The following PKNOX2 variants were observed in gnomAD, a reference collection of about 807,000 sequenced individuals.
PKNOX2 encodes the protein PBX/knotted 1 homeobox 2, also known as homeobox protein PKNOX2.
In PKNOX2, 14 loss-of-function variants were observed where a neutral mutation model predicts 53.1. That is an observed-to-expected ratio of 0.26 (90% CI 0.17 to 0.41). The LOEUF (loss-of-function observed/expected upper bound fraction) is 0.41, where lower values mean the gene tolerates loss of function less well. Among genes scored for constraint, PKNOX2 ranks in the 10% least tolerant of loss-of-function variants. The pLI is 1.00. For synonymous variants in PKNOX2, 257 were observed against 242.8 expected, an observed-to-expected ratio of 1.06 and a Z score of -0.54; for missense variants, 496 against 602.8, an observed-to-expected ratio of 0.82 and a Z score of 1.85.
At chr11:125,294,893 A>G (rs1169590404) in intron 2 of PKNOX2, among the ~76,000 whole-genome samples, 1 of 152,220 alleles carries the variant, frequency 6.6e-6, no homozygotes, top group Non-Finnish European at 1.5e-5. Flanking sequence ...CTGAGAGTGA[A>G]GGGTGAGGCA....
intron 1 of PKNOX2, among the ~76,000 whole-genome samples, chr11:125,223,954 G>A (rs6590139): frequency 0.18 from 28,142 of 152,252 alleles, 2,811 homozygotes; most frequent in African/African-American, 0.25. Context: ...TTAAGCCACA[G>A]GAAGGCAATT....
intron 10 of PKNOX2, among the ~76,000 whole-genome samples, chr11:125,423,679 G>A (rs1198608033): frequency 2.0e-5 from 3 of 152,168 alleles, no homozygotes; most frequent in Non-Finnish European, 2.9e-5. Context: ...GGGGTGACAG[G>A]TAGCTACACA....
intron 3 of PKNOX2, among the ~76,000 whole-genome samples, chr11:125,336,742 C>A: frequency 6.9e-6 from 1 of 145,658 alleles, no homozygotes; most frequent in African/African-American, 2.5e-5. Flanking sequence ...ATACTGTATA[C>A]TACATGATAT....
chr11:125,254,434 G>A (rs1364520964), intron 2 of PKNOX2, among the ~76,000 whole-genome samples: 1 of 152,192 alleles, frequency 6.6e-6, no homozygotes, highest in African/African-American at 2.4e-5. Flanking sequence ...AGAAAGAAAA[G>A]GGAATGCAGT....
At chr11:125,351,211 G>T in intron 3 of PKNOX2, 73 bp from the exon 4 acceptor site, 1 of 750,860 alleles carries the variant, frequency 1.3e-6, no homozygotes, top group Non-Finnish European at 2.4e-6. Flanking sequence ...GGGGGACACA[G>T]GGAGCTGCTG....
At chr11:125,164,995 G>C (rs1028031998) in intron 1 of PKNOX2, among the ~76,000 whole-genome samples, 19 of 151,862 alleles carry the variant, frequency 1.3e-4, no homozygotes, top group African/African-American at 4.6e-4. Flanking sequence ...GGGAGGCAGG[G>C]AGCAGCGAGG....
rs778849404 is a variant in PKNOX2, at chr11:125,410,304, G to A, written c.697G>A (p.Val233Ile). The A allele has an allele frequency of 9.4e-5, 151 of 1,613,848 alleles. 1 individual carries two copies. The highest frequency in any genetic ancestry group is 1.1e-4 in the Non-Finnish European group (134 of 1,179,982). ...GCAGGGCAACATCGCCATGACAACC[G>A]TCAACTCACAAGTTGTGTCAGGTCG... ...LQQGNIAMTT[V>I]NSQVVSGGAL... The change falls in exon 8 of 13, where the codon GTC (valine) becomes ATC (isoleucine). Residue 233 changes from valine to isoleucine, a missense_variant. This residue lies in a region of PKNOX2 where 141 missense variants were observed against 143.9 expected (regional missense o/e 0.98). Coordinates refer to ENST00000298282, the MANE Select transcript of PKNOX2 (RefSeq NM_001382323.2).
At chr11:125,315,303 G>GCAAAAAAAAAAAAAAAAAAA (rs1949087067) in intron 2 of PKNOX2, among the ~76,000 whole-genome samples, 1 of 79,456 alleles carries the variant, frequency 1.3e-5, no homozygotes, top group African/African-American at 3.9e-5. Context: ...TGTGAAGCAG[G>GCAAAAAAAAAAAAAAAAAAA]AAAAAAAAAA....
intron 2 of PKNOX2, among the ~76,000 whole-genome samples, chr11:125,291,588 G>T (rs762945262): frequency 1.1e-4 from 16 of 151,932 alleles, no homozygotes; most frequent in Non-Finnish European, 2.2e-4. Flanking sequence ...TCAAAACTAG[G>T]GACACAAACA....
chr11:125,305,707 A>G (rs937476510), intron 2 of PKNOX2, among the ~76,000 whole-genome samples: 4 of 152,230 alleles, frequency 2.6e-5, no homozygotes, highest in African/African-American at 4.8e-5. Context: ...CAGTAACAGC[A>G]TCGGGAACGA....
intron 1 of PKNOX2, among the ~76,000 whole-genome samples, chr11:125,220,352 G>A (rs1027379047): frequency 3.9e-5 from 6 of 152,140 alleles, no homozygotes; most frequent in Non-Finnish European, 5.9e-5. Flanking sequence ...CTGCGGCTGC[G>A]TTCTGCCGAG....
At chr11:125,304,283 G>A (rs1351891013) in intron 2 of PKNOX2, among the ~76,000 whole-genome samples, 2 of 152,222 alleles carry the variant, frequency 1.3e-5, no homozygotes, top group East Asian at 3.8e-4. Context: ...CCCCTTCCCT[G>A]GAAACCCCCT....
At chr11:125,364,907 C>T (rs959383488) in intron 4 of PKNOX2, among the ~76,000 whole-genome samples, 6 of 152,040 alleles carry the variant, frequency 3.9e-5, no homozygotes, top group Admixed American at 2.0e-4. Context: ...ATCTTCTCCA[C>T]GGTGGCCCAG....
intron 7 of PKNOX2, among the ~76,000 whole-genome samples, chr11:125,399,598 A>T (rs1165180903): frequency 1.3e-5 from 2 of 152,136 alleles, no homozygotes; most frequent in Non-Finnish European, 2.9e-5. Context: ...GCTATTGTGA[A>T]TTTTTTTTAA....
At chr11:125,195,882 T>C (rs942206997) in intron 1 of PKNOX2, among the ~76,000 whole-genome samples, 1 of 84,120 alleles carries the variant, frequency 1.2e-5, no homozygotes, top group Non-Finnish European at 2.4e-5. Context: ...AATATGTACA[T>C]GCACACACAC....
intron 1 of PKNOX2, among the ~76,000 whole-genome samples, chr11:125,175,547 C>G (rs907939444): frequency 5.3e-5 from 8 of 152,230 alleles, no homozygotes; most frequent in African/African-American, 1.9e-4. Flanking sequence ...GTGGTAGGCT[C>G]TGTGCTGAGC....
chr11:125,232,180 G>T (rs57006473), intron 1 of PKNOX2, among the ~76,000 whole-genome samples: 4,456 of 152,290 alleles, frequency 0.029, 207 homozygotes, highest in African/African-American at 0.1. Flanking sequence ...ATATTTGGAG[G>T]ACTACCATGT....
intron 2 of PKNOX2, among the ~76,000 whole-genome samples, chr11:125,312,207 C>T (rs570505450): frequency 2.0e-5 from 3 of 152,176 alleles, no homozygotes; most frequent in East Asian, 1.9e-4. Context: ...GTGCTGTGTG[C>T]GGGTAAGAAG....
chr11:125,237,605 C>A (rs942738994), intron 2 of PKNOX2, among the ~76,000 whole-genome samples: 1 of 152,186 alleles, frequency 6.6e-6, no homozygotes, highest in East Asian at 1.9e-4. Flanking sequence ...GGCTAAAGAA[C>A]CCCCTGCCTT....
Sources: gnomAD v4.1 joint callset for allele counts (sites outside exome capture counted in the v4.1 genomes callset) on GRCh38, gnomAD v4.1.1 for gene constraint, gnomAD v4.1.1 regional missense constraint, MANE v1.5 for transcripts, NCBI Gene and HGNC (gene_info 2026-07-23, HGNC 2026-07-21) for gene names.